ANK2: variants seen among roughly 807,000 people sequenced by gnomAD.
The protein encoded by ANK2 is ankyrin-2.
ANK2 carries 83 observed loss-of-function variants against 360.5 expected under a neutral mutation model. That is an observed-to-expected ratio of 0.23 (90% CI 0.19 to 0.28). The LOEUF is 0.28. ANK2 is among the 10% of genes least tolerant of loss of function. The pLI, the probability that ANK2 is intolerant of heterozygous loss-of-function variation, is 1.00. For missense variants in ANK2, 4,201 were observed against 4,795.7 expected (o/e 0.88, Z 3.66); for synonymous variants, 1,740 against 1,759.5 (o/e 0.99, Z 0.28).
chr4:113,005,316 A>G (rs550226506), intron 2 of ANK2, among the ~76,000 whole-genome samples: 11 of 152,360 alleles, frequency 7.2e-5, no homozygotes, highest in African/African-American at 2.6e-4. Flanking sequence ...TATTCACAAT[A>G]GCAAAGATTT....
At chr4:112,891,478 A>G (rs1259357264) in intron 1 of ANK2, among the ~76,000 whole-genome samples, 1 of 152,192 alleles carries the variant, frequency 6.6e-6, no homozygotes, top group Non-Finnish European at 1.5e-5. Context: ...AAGCAAGCTT[A>G]TATCAAAATT....
chr4:113,202,632 C>G (rs1293676253), intron 4 of ANK2, among the ~76,000 whole-genome samples: 1 of 152,096 alleles, frequency 6.6e-6, no homozygotes, highest in African/African-American at 2.4e-5. Flanking sequence ...AAGAAGATAA[C>G]AAATTTTCTG....
intron 1 of ANK2, among the ~76,000 whole-genome samples, chr4:112,858,225 G>A (rs902819656): frequency 7.7e-6 from 1 of 130,608 alleles, no homozygotes; most frequent in Non-Finnish European, 1.6e-5. Flanking sequence ...CTCCTAGTAA[G>A]TGACAATATT....
the ANK2 span, among the ~76,000 whole-genome samples, chr4:112,744,110 C>T: frequency 6.6e-6 from 1 of 152,116 alleles, no homozygotes; most frequent in African/African-American, 2.4e-5. Context: ...GCATGAGCCA[C>T]CAGGCCCGGA....
chr4:113,164,123 G>T (rs2097665733), intron 1 of ANK2, among the ~76,000 whole-genome samples: 1 of 152,122 alleles, frequency 6.6e-6, no homozygotes. Flanking sequence ...GACTAGGCTG[G>T]GTGCGGTGGC....
intron 1 of ANK2, among the ~76,000 whole-genome samples, chr4:113,088,076 A>G (rs1460337221): frequency 6.6e-6 from 1 of 152,202 alleles, no homozygotes; most frequent in Non-Finnish European, 1.5e-5. Flanking sequence ...TTTTTTAATA[A>G]GAAATCATAA....
chr4:112,882,928 G>T (rs1052068818), intron 1 of ANK2, among the ~76,000 whole-genome samples: 1 of 150,512 alleles, frequency 6.6e-6, no homozygotes, highest in African/African-American at 2.4e-5. Context: ...GGCTGGACTG[G>T]CCTATACCTC....
intron 1 of ANK2, among the ~76,000 whole-genome samples, chr4:112,890,893 C>T (rs1193114972): frequency 6.6e-6 from 1 of 152,114 alleles, no homozygotes; most frequent in African/African-American, 2.4e-5. Flanking sequence ...ATTGGCTCTG[C>T]AATGTTAGGT....
intron 1 of ANK2, among the ~76,000 whole-genome samples, chr4:113,095,431 T>C (rs1177465428): frequency 1.3e-5 from 2 of 152,212 alleles, no homozygotes; most frequent in African/African-American, 4.8e-5. Context: ...AATGCGTTTT[T>C]GATTTGGAGT....
Position 113,356,381 on chromosome 4 carries a change from T to C in ANK2, c.7763T>C (p.Met2588Thr), listed in dbSNP as rs753759800. 2 of 1,614,118 alleles carry C rather than the reference T, an allele frequency of 1.2e-6. No homozygotes were observed. The highest frequency in any genetic ancestry group is 1.1e-5 in the South Asian group (1 of 91,082). ...AAGAGGTTCACACCTGAAGAGGAGATGTTTAAAATGGTAACCAAAATCAAA... is the reference window on the plus strand; with the variant it reads ...AAGAGGTTCACACCTGAAGAGGAGACGTTTAAAATGGTAACCAAAATCAAA... ...EKKRFTPEEE[M>T]FKMVTKIKMF... The change falls in exon 38 of 46, where the codon ATG (methionine) becomes ACG (threonine). Residue 2588 changes from methionine to threonine, a missense_variant. Physicochemically the swap from Met to Thr is moderately conservative, Grantham distance 81 (BLOSUM62 -1). Transcript: ENST00000357077.
chr4:113,137,920 T>A (rs2096497220), intron 1 of ANK2, among the ~76,000 whole-genome samples: 1 of 152,226 alleles, frequency 6.6e-6, no homozygotes, highest in Admixed American at 6.5e-5. Flanking sequence ...TTTCGAAGAA[T>A]GAAATAACAG....
At chr4:113,365,490 C>T (rs1260092509) in intron 41 of ANK2, among the ~76,000 whole-genome samples, 1 of 151,960 alleles carries the variant, frequency 6.6e-6, no homozygotes, top group Non-Finnish European at 1.5e-5. Flanking sequence ...CTACCTTAGC[C>T]ACGTATTTCT....
chr4:113,302,857 T>C lies in ANK2; in HGVS notation c.2548+18T>C, dbSNP rs200150276. ...TGAAGAGGGTAAGACTTCTATTCAA[T>C]CTTCTATGACACCTGTCATGTTCTT... On this transcript the variant is annotated intron_variant, in intron 23 of 45. Transcript: ENST00000357077. 1.8e-5 allele frequency: 28 copies of C among 1,599,542 alleles called. No individual in the cohort carries two copies. The East Asian group carries it at 6.0e-4, about 34-fold the overall frequency.
intron 2 of ANK2, among the ~76,000 whole-genome samples, chr4:112,979,248 C>T (rs925672534): frequency 5.3e-5 from 8 of 152,294 alleles, no homozygotes; most frequent in South Asian, 2.1e-4. Context: ...TCAGGTGTGC[C>T]GGCTGCAGCA....
chr4:112,943,397 T>TA (rs900147907), intron 2 of ANK2, among the ~76,000 whole-genome samples: 3 of 151,930 alleles, frequency 2.0e-5, no homozygotes, highest in Non-Finnish European at 2.9e-5. Flanking sequence ...GCAGTGTCAA[T>TA]AAACAATTTA....
chr4:113,335,899 C>T lies in ANK2; in HGVS notation c.3433C>T (p.Arg1145Ter), dbSNP rs1485692149. 6.2e-7 allele frequency: 1 copy of T among 1,614,154 alleles called. No individual in the cohort carries two copies. The highest frequency in any genetic ancestry group is 8.5e-7 in the Non-Finnish European group (1 of 1,180,018). ...EKKRICRIIT[R>*]DFPQYFAVVS... ...GAAACGAATCTGCCGCATCATCACC[C>T]GAGACTTCCCACAGTACTTTGCAGT... is the stretch of plus-strand genomic sequence containing the variant. Residue 1145 changes from arginine to a stop codon, truncating the protein, a stop_gained, in exon 30 of 46, where the codon CGA becomes TGA. Transcript: ENST00000357077. LOFTEE classifies it high-confidence loss of function.
At chr4:112,995,507 G>A (rs1373107092) in intron 2 of ANK2, among the ~76,000 whole-genome samples, 1 of 152,136 alleles carries the variant, frequency 6.6e-6, no homozygotes, top group African/African-American at 2.4e-5. Flanking sequence ...TCTGTCAGAT[G>A]CATAGTTTGT....
the ANK2 span, among the ~76,000 whole-genome samples, chr4:112,789,697 A>G: frequency 1.3e-5 from 2 of 152,128 alleles, no homozygotes; most frequent in African/African-American, 2.4e-5. Context: ...TATTCTAGTA[A>G]ATCTGTGCCA....
chr4:113,343,078 G>T lies in ANK2; in HGVS notation c.4184G>T (p.Ser1395Ile). ...GGCAACTTGGTACCATTAACTAAAAGTGGCCAGCATCATATATTCAGTTTT... is the reference window on the plus strand; with the variant it reads ...GGCAACTTGGTACCATTAACTAAAATTGGCCAGCATCATATATTCAGTTTT... ...CFGNLVPLTK[S>I]GQHHIFSFFA... Residue 1395 changes from serine to isoleucine, a missense_variant, in exon 34 of 46, where the codon AGT (serine) becomes ATT (isoleucine). Ser to Ile is a moderately radical substitution (Grantham distance 142, BLOSUM62 -2). Around this residue, in one of 4 missense-constraint regions of ANK2, gnomAD observed 1,268 missense variants for 1,650.8 expected, o/e 0.77. Coordinates refer to ENST00000357077, the MANE Select transcript of ANK2 (RefSeq NM_001148.6). 1 of 1,613,840 alleles carries T rather than the reference G, an allele frequency of 6.2e-7. No homozygotes were observed. Among genetic ancestry groups the T allele is most frequent in the African/African-American group, 1.3e-5 (1 of 75,028 alleles).
Sources: allele counts gnomAD v4.1 joint callset (sites outside exome capture counted in the v4.1 genomes callset), GRCh38; gene constraint gnomAD v4.1.1; regional missense constraint gnomAD v4.1.1; transcripts MANE v1.5; gene names NCBI Gene and HGNC (gene_info 2026-07-23, HGNC 2026-07-21).